The following NALCN variants were observed in gnomAD, a reference collection of about 807,000 sequenced individuals.
The protein encoded by NALCN is sodium leak channel, non-selective.
Under a neutral mutation model 225.3 loss-of-function variants are expected in NALCN, and 111 were observed. That is an observed-to-expected ratio of 0.49 (90% CI 0.42 to 0.58). The LOEUF is 0.58. NALCN is among the 20% of genes least tolerant of loss of function. The pLI is 0.00. For missense variants in NALCN, 1,378 were observed against 2,202.4 expected, an observed-to-expected ratio of 0.63 and a Z score of 7.49; for synonymous variants, 764 against 769.0, an observed-to-expected ratio of 0.99 and a Z score of 0.11.
intron 13 of NALCN, among the ~76,000 whole-genome samples, chr13:101,193,963 A>G (rs1042958557): frequency 6.6e-6 from 1 of 152,216 alleles, no homozygotes; most frequent in Non-Finnish European, 1.5e-5. Flanking sequence ...CTGCCAGTAT[A>G]AAAGAAATTT....
chr13:101,107,311 C>A (rs979616927), intron 22 of NALCN, among the ~76,000 whole-genome samples, 176 bp downstream of exon 22: 1 of 152,186 alleles, frequency 6.6e-6, no homozygotes, highest in Non-Finnish European at 1.5e-5. Flanking sequence ...TAACTACTTG[C>A]GACCTTTGTT....
intron 26 of NALCN, among the ~76,000 whole-genome samples, chr13:101,101,209 GA>G (rs1004989173): frequency 1.3e-5 from 2 of 148,676 alleles, no homozygotes; most frequent in African/African-American, 2.5e-5. Flanking sequence ...TGGAACAAAG[GA>G]AAAAAATGTT....
chr13:101,283,198 C>T (rs915988675), intron 10 of NALCN, among the ~76,000 whole-genome samples: 3 of 152,028 alleles, frequency 2.0e-5, no homozygotes, highest in Admixed American at 2.0e-4. Flanking sequence ...GGGTGCTGCT[C>T]TTGGTAAGGT....
At chr13:101,118,276 G>A (rs1245931004) in intron 18 of NALCN, among the ~76,000 whole-genome samples, 1 of 151,984 alleles carries the variant, frequency 6.6e-6, no homozygotes, top group Non-Finnish European at 1.5e-5. Flanking sequence ...TCCCACATCT[G>A]TTTGGTAAAA....
At chr13:101,252,183 C>A (rs2042081061) in intron 11 of NALCN, among the ~76,000 whole-genome samples, 1 of 152,218 alleles carries the variant, frequency 6.6e-6, no homozygotes, top group Admixed American at 6.5e-5. Context: ...ACATCGATGG[C>A]CATATCTTAT....
chr13:101,217,445 T>C (rs2040778928), intron 13 of NALCN, among the ~76,000 whole-genome samples: 1 of 152,216 alleles, frequency 6.6e-6, no homozygotes, highest in South Asian at 2.1e-4. Context: ...AGAAAGTTAT[T>C]GGCTTGAGAT....
intron 7 of NALCN, among the ~76,000 whole-genome samples, chr13:101,334,982 C>CT (rs1193656969): frequency 1.3e-5 from 2 of 152,110 alleles, no homozygotes; most frequent in Non-Finnish European, 2.9e-5. Context: ...TGAAGTATTA[C>CT]TTTTTTAACT....
At chr13:101,253,204 T>C (rs1024848518) in intron 11 of NALCN, among the ~76,000 whole-genome samples, 16 of 152,160 alleles carry the variant, frequency 1.1e-4, no homozygotes, top group East Asian at 1.9e-4. Context: ...TCTTAACTAA[T>C]TCTAAATGTA....
chr13:101,122,799 T>C (rs1477155404), intron 18 of NALCN, among the ~76,000 whole-genome samples: 2 of 152,224 alleles, frequency 1.3e-5, no homozygotes, highest in Non-Finnish European at 1.5e-5. Flanking sequence ...TGTAACCACA[T>C]GCCCTTGTGA....
chr13:101,319,919 T>G (rs2044687107), intron 7 of NALCN, among the ~76,000 whole-genome samples: 1 of 152,092 alleles, frequency 6.6e-6, no homozygotes, highest in Non-Finnish European at 1.5e-5. Context: ...CATCTGTGGA[T>G]TTTTAAATAG....
chr13:101,338,979 A>G (rs1167476934), intron 7 of NALCN, among the ~76,000 whole-genome samples: 1 of 152,148 alleles, frequency 6.6e-6, no homozygotes, highest in African/African-American at 2.4e-5. Flanking sequence ...GTATGACTGC[A>G]TTATCTGTTC....
chr13:101,374,075 T>C (rs974599631), intron 6 of NALCN, among the ~76,000 whole-genome samples: 1 of 151,954 alleles, frequency 6.6e-6, no homozygotes, highest in African/African-American at 2.4e-5. Flanking sequence ...TAATGAAGAT[T>C]AGGAGTGGGG....
At chr13:101,156,701 G>T (rs1310975312) in intron 15 of NALCN, among the ~76,000 whole-genome samples, 1 of 152,020 alleles carries the variant, frequency 6.6e-6, no homozygotes, top group Non-Finnish European at 1.5e-5. Context: ...ATTTTCTATA[G>T]AAAATTCCCT....
chr13:101,207,953 A>G (rs754632854), intron 13 of NALCN, among the ~76,000 whole-genome samples: 11 of 152,202 alleles, frequency 7.2e-5, no homozygotes, highest in Non-Finnish European at 1.2e-4. Context: ...CAGCGAGACC[A>G]CGAACCCACC....
chr13:101,166,407 T>C (rs199942477), intron 15 of NALCN, among the ~76,000 whole-genome samples: 1 of 19,760 alleles, frequency 5.1e-5, no homozygotes, highest in Non-Finnish European at 8.1e-5. Context: ...GCCAAACTGT[T>C]TTTTTTTTTG....
chr13:101,149,594 C>T (rs1294008138), intron 15 of NALCN, among the ~76,000 whole-genome samples: 4 of 152,152 alleles, frequency 2.6e-5, no homozygotes, highest in East Asian at 1.9e-4. Flanking sequence ...TTGGTCATTG[C>T]GCTGTGAAAC....
chr13:101,342,701 T>G (rs78995947), intron 7 of NALCN, among the ~76,000 whole-genome samples: 1 of 152,204 alleles, frequency 6.6e-6, no homozygotes, highest in East Asian at 1.9e-4. Flanking sequence ...TTCTTAAACA[T>G]GAAAATTTCA....
At chr13:101,134,941 T>A (rs1367699883) in intron 17 of NALCN, among the ~76,000 whole-genome samples, 1 of 152,202 alleles carries the variant, frequency 6.6e-6, no homozygotes, top group African/African-American at 2.4e-5. Context: ...ACGCCTGTAG[T>A]CCCAGCACTT....
intron 1 of NALCN, among the ~76,000 whole-genome samples, chr13:101,408,226 C>T (rs2047677672): frequency 6.6e-6 from 1 of 152,182 alleles, no homozygotes; most frequent in South Asian, 2.1e-4. Context: ...CCTGCCTATT[C>T]CACGTCTAAG....
Sources: allele counts gnomAD v4.1 joint callset (sites outside exome capture counted in the v4.1 genomes callset), GRCh38; gene constraint gnomAD v4.1.1; transcripts MANE v1.5; gene names NCBI Gene and HGNC (gene_info 2026-07-23, HGNC 2026-07-21).